Variants in HCN1 observed in about 807,000 individuals in gnomAD.
The protein encoded by HCN1 is potassium/sodium hyperpolarization-activated cyclic nucleotide-gated channel 1.
A neutral mutation model predicts 78.9 loss-of-function variants in HCN1; 13 were observed. The observed-to-expected ratio is 0.16, with a 90% CI of 0.11 to 0.26. The LOEUF (loss-of-function observed/expected upper bound fraction) is 0.26. HCN1 is among the 10% of genes least tolerant of loss of function. HCN1 has a pLI of 1.00. For missense variants in HCN1, 810 were observed against 1,154.3 expected, an observed-to-expected ratio of 0.70 and a Z score of 4.32; for synonymous variants, 552 against 455.5, an observed-to-expected ratio of 1.21 and a Z score of -2.70.
intron 2 of HCN1, among the ~76,000 whole-genome samples, chr5:45,580,662 A>G (rs1342710438): frequency 6.6e-6 from 1 of 152,018 alleles, no homozygotes; most frequent in Non-Finnish European, 1.5e-5. Context: ...AATATTAGGT[A>G]TATCTCATAA....
chr5:45,666,416 T>C (rs995423238), intron 1 of HCN1, among the ~76,000 whole-genome samples: 3 of 152,036 alleles, frequency 2.0e-5, no homozygotes, highest in Admixed American at 6.6e-5. Flanking sequence ...TTGATACTTC[T>C]ATATTAGGCA....
chr5:45,498,652 A>C (rs1032227078), intron 2 of HCN1, among the ~76,000 whole-genome samples: 1 of 152,050 alleles, frequency 6.6e-6, no homozygotes, highest in Non-Finnish European at 1.5e-5. Flanking sequence ...TTGGAGGAGG[A>C]GAGGTGCTCT....
chr5:45,440,316 G>A (rs1231395744), intron 3 of HCN1, among the ~76,000 whole-genome samples: 1 of 151,974 alleles, frequency 6.6e-6, no homozygotes, highest in African/African-American at 2.4e-5. Context: ...ACACTGCCTG[G>A]CAAAGAACAG....
intron 1 of HCN1, among the ~76,000 whole-genome samples, chr5:45,660,113 A>T (rs1240704631): frequency 8.3e-6 from 1 of 120,340 alleles, no homozygotes; most frequent in Non-Finnish European, 1.7e-5. Context: ...TCTCGGCAGA[A>T]ACCCTACAAG....
At chr5:45,422,979 A>T (rs1561148922) in intron 3 of HCN1, among the ~76,000 whole-genome samples, 1 of 152,134 alleles carries the variant, frequency 6.6e-6, no homozygotes, top group Non-Finnish European at 1.5e-5. Context: ...CTGCACAACA[A>T]GGTGACTACA....
intron 2 of HCN1, among the ~76,000 whole-genome samples, chr5:45,608,993 T>C (rs1376445056): frequency 6.6e-6 from 1 of 152,124 alleles, no homozygotes; most frequent in Non-Finnish European, 1.5e-5. Context: ...TTACCTTCTT[T>C]GTAATCAGGG....
intron 6 of HCN1, among the ~76,000 whole-genome samples, chr5:45,271,401 C>G (rs1178492706): frequency 1.4e-5 from 2 of 145,290 alleles, no homozygotes; most frequent in African/African-American, 5.0e-5. Flanking sequence ...CACACACACA[C>G]AGACACAGTT....
intron 5 of HCN1, among the ~76,000 whole-genome samples, chr5:45,305,871 GAGGA>G (rs371250856): frequency 2.2e-4 from 33 of 149,008 alleles, no homozygotes; most frequent in East Asian, 4.1e-4. Flanking sequence ...AGGAGGGAGG[GAGGA>G]AGGAAGGAAG....
intron 5 of HCN1, among the ~76,000 whole-genome samples, chr5:45,327,137 G>T (rs1160955013): frequency 6.6e-6 from 1 of 151,592 alleles, no homozygotes; most frequent in Non-Finnish European, 1.5e-5. Context: ...TTTAGCTCCA[G>T]TCGTCCATCT....
intron 4 of HCN1, among the ~76,000 whole-genome samples, chr5:45,355,541 G>A (rs144536990): frequency 5.5e-4 from 84 of 152,028 alleles, no homozygotes; most frequent in Non-Finnish European, 9.9e-4. Flanking sequence ...TTGAGTGAGC[G>A]TGGGGGAAAC....
At chr5:45,609,630 G>A (rs1204281851) in intron 2 of HCN1, among the ~76,000 whole-genome samples, 1 of 152,070 alleles carries the variant, frequency 6.6e-6, no homozygotes, top group Non-Finnish European at 1.5e-5. Flanking sequence ...CTTGACTGGT[G>A]TGAATGTATT....
At chr5:45,605,947 T>G (rs533814280) in intron 2 of HCN1, among the ~76,000 whole-genome samples, 1 of 151,428 alleles carries the variant, frequency 6.6e-6, no homozygotes, top group Non-Finnish European at 1.5e-5. Flanking sequence ...ATGAAACTTA[T>G]AAGCAAAATT....
intron 2 of HCN1, among the ~76,000 whole-genome samples, chr5:45,465,593 A>G (rs966453179): frequency 6.6e-6 from 1 of 152,012 alleles, no homozygotes; most frequent in Non-Finnish European, 1.5e-5. Context: ...TGTCTCTACT[A>G]AAAATGCAAA....
At chr5:45,294,070 A>G (rs1312305399) in intron 6 of HCN1, among the ~76,000 whole-genome samples, 3 of 152,006 alleles carry the variant, frequency 2.0e-5, no homozygotes, top group Non-Finnish European at 4.4e-5. Context: ...TCAAATTGTT[A>G]ATTTGATTAA....
chr5:45,303,680 A>G lies in HCN1; in HGVS notation c.1537T>C (p.Tyr513His). The change falls in exon 6 of 8, where the codon TAT (tyrosine) becomes CAT (histidine). Residue 513 changes from tyrosine to histidine, a missense_variant. By Grantham distance (83) the Tyr-to-His change is moderately conservative. Coordinates refer to ENST00000303230, the MANE Select transcript of HCN1 (RefSeq NM_021072.4). ...CCAGCAACACCGTGTTGAATGAAAT[A>G]CATTTTTTTACCCACGGCTCCTTCT... ...IREGAVGKKM[Y>H]FIQHGVAGVI... is the part of the protein sequence containing the mutation. 2 of 1,613,568 alleles carry G rather than the reference A, an allele frequency of 1.2e-6. No individual in the cohort carries two copies. Among genetic ancestry groups the G allele is most frequent in the Non-Finnish European group, 1.7e-6 (2 of 1,179,706 alleles).
At chr5:45,517,539 A>AAAAC (rs1742536823) in intron 2 of HCN1, among the ~76,000 whole-genome samples, 1 of 150,800 alleles carries the variant, frequency 6.6e-6, no homozygotes, top group Admixed American at 6.6e-5. Flanking sequence ...AAAAAAAAAA[A>AAAAC]AAAAACATGA....
chr5:45,386,357 T>C (rs1747908519), intron 4 of HCN1, among the ~76,000 whole-genome samples: 4 of 151,974 alleles, frequency 2.6e-5, no homozygotes, highest in Admixed American at 1.3e-4. Flanking sequence ...TTTTTCACTT[T>C]TTCTAGAGAC....
At chr5:45,668,825 TA>T (rs962031525) in intron 1 of HCN1, among the ~76,000 whole-genome samples, 3 of 150,300 alleles carry the variant, frequency 2.0e-5, no homozygotes, top group Admixed American at 6.7e-5. Context: ...AACAATTTTA[TA>T]AAAAAAAAAT....
rs1483380470 is a variant in HCN1, at chr5:45,255,360, T to A, written c.*6561A>T. 6.6e-6 allele frequency: 1 copy of A among 152,316 alleles called. No individual in the cohort carries two copies. The highest frequency in any genetic ancestry group is 1.5e-5 in the Non-Finnish European group (1 of 68,030). The allele number at this position is 152,316 out of a possible 1,614,324, so 9.4% of individuals were successfully genotyped here. Reference sequence around the variant, plus strand: ...CCTTAAAAAGCCCTTAAAATTTACCTCCTCTAGGACTTACTAGTTCCAATT... The same window carrying A: ...CCTTAAAAAGCCCTTAAAATTTACCACCTCTAGGACTTACTAGTTCCAATT... On this transcript the variant is annotated 3_prime_UTR_variant, in exon 8 of 8. Transcript: ENST00000303230.
Sources: gnomAD v4.1 joint callset for allele counts (sites outside exome capture counted in the v4.1 genomes callset) on GRCh38, gnomAD v4.1.1 for gene constraint, MANE v1.5 for transcripts, NCBI Gene and HGNC (gene_info 2026-07-23, HGNC 2026-07-21) for gene names.